The following ZNF202 variants were observed in gnomAD, a reference collection of about 807,000 sequenced individuals.
The protein encoded by ZNF202 is zinc finger protein with KRAB and SCAN domains 10.
ZNF202 carries 22 observed loss-of-function variants against 54.5 expected under a neutral mutation model. The ratio of observed to expected loss-of-function variants is 0.40; its 90% CI spans 0.29 to 0.58. The LOEUF is 0.58. Ranked by LOEUF, ZNF202 falls within the 20% of genes least tolerant of loss-of-function variation. The pLI is 0.39. For synonymous variants in ZNF202, 294 were observed against 301.4 expected (o/e 0.98, Z 0.26); for missense variants, 644 against 805.5 (o/e 0.80, Z 2.43).
chr11:123,735,990 TTGG>T (rs2137363166), intron 3 of ZNF202, among the ~76,000 whole-genome samples: 1 of 152,316 alleles, frequency 6.6e-6, no homozygotes, highest in Non-Finnish European at 1.5e-5. Context: ...AGTAAGAGAC[TTGG>T]TTCCAGAAGA....
In ZNF202 at chr11:123,736,760, A is replaced by C. The variant is rs189515272; in HGVS notation, c.-98+3357T>G. On this transcript the variant is annotated intron_variant, in intron 3 of 8. Transcript: ENST00000530393. ...TTGTAACACAATTTCCCTAAGCCTCAGTCTTATCCTCAAAAATGTGGCTAA... is the reference window on the plus strand; with the variant it reads ...TTGTAACACAATTTCCCTAAGCCTCCGTCTTATCCTCAAAAATGTGGCTAA... 3.7e-3 allele frequency among the ~76,000 whole-genome samples: 565 copies of C among 152,282 alleles called. 2 individuals are homozygous for C. The highest frequency in any genetic ancestry group is 0.014 in the Middle Eastern group (4 of 294).
rs1032531266 is a variant in ZNF202 at position 123,726,271 on chromosome 11, G to A, written c.1673C>T (p.Thr558Met). ...EHRRYLAHRKTHAAEELYLCS... is the reference protein window; with the variant it reads ...EHRRYLAHRKMHAAEELYLCS... ...GAGGTAGAGTTCCTCAGCAGCGTGC[G>A]TCTTCCGGTGCGCCAGGTACCGCCT... Residue 558 changes from threonine to methionine, a missense_variant, in exon 9 of 9, where the codon ACG (threonine) becomes ATG (methionine). Around this residue, in one of 3 missense-constraint regions of ZNF202, gnomAD observed 536 missense variants for 635.3 expected, o/e 0.84. Coordinates refer to ENST00000530393, the MANE Select transcript of ZNF202 (RefSeq NM_003455.4). This position sits in a 1 kb window ranked among gnomAD's most constrained non-coding sequence, Gnocchi z 6.0. 25 of 1,614,106 alleles carry A rather than the reference G, an allele frequency of 1.5e-5. No homozygotes were observed. The highest frequency in any genetic ancestry group is 5.3e-5 in the African/African-American group (4 of 74,934).
rs756774887 is a variant in ZNF202, at chr11:123,729,625, C to T, written c.603G>A (p.Leu201=). Residue 201 remains leucine, a synonymous_variant, in exon 5 of 9, where the codon CTG becomes CTA. Transcript: ENST00000530393. The part of the protein sequence containing the change: ...RPHQEEELQT[L]QESEVPVPED... ...GCTGATGCTTCCCACCGCTCTCCTG[C>T]AGGGTCTGGAGCTCCTCTTCCTGGT... is the stretch of plus-strand genomic sequence containing the variant. The T allele has an allele frequency of 1.3e-6, 2 of 1,587,866 alleles. No individual in the cohort carries two copies. Among genetic ancestry groups the T allele is most frequent in the African/African-American group, 2.7e-5 (2 of 74,318 alleles).
intron 3 of ZNF202, among the ~76,000 whole-genome samples, chr11:123,732,500 GTTAAACT>G (rs1861453460): frequency 6.6e-6 from 1 of 152,100 alleles, no homozygotes. Context: ...CCTTGGTTAG[GTTAAACT>G]TTAAATTTTT....
chr11:123,739,648 G>C (rs550641305), intron 3 of ZNF202: 1 of 152,124 alleles, frequency 6.6e-6, no homozygotes, highest in Non-Finnish European at 1.5e-5. Flanking sequence ...TTAATTTTGC[G>C]AACAAAATAT....
intron 6 of ZNF202, among the ~76,000 whole-genome samples, chr11:123,728,547 G>T (rs1305716744): frequency 6.6e-6 from 1 of 152,114 alleles, no homozygotes; most frequent in Non-Finnish European, 1.5e-5. Flanking sequence ...CTCCCTACTT[G>T]ACACTTTAAC....
At position 123,730,080 on chromosome 11, in the gene ZNF202, T is replaced by A. The variant is rs1861340611; in HGVS notation, c.403-255A>T. Among the ~76,000 whole-genome samples the A allele has an allele frequency of 6.6e-6, 1 of 152,036 alleles. No individual in the cohort carries two copies. The highest frequency in any genetic ancestry group is 2.1e-4 in the South Asian group (1 of 4,808). ...TGGGCCCCTGTCACCCAAGGTTCCT[T>A]CCCATCTCCACCTGTCCCACCTGCA... On this transcript the variant is annotated intron_variant, in intron 4 of 8. Coordinates refer to ENST00000530393, the MANE Select transcript of ZNF202 (RefSeq NM_003455.4). The surrounding 1 kb of genome is among the most constrained non-coding windows in gnomAD (Gnocchi z 6.0).
rs1861286779 is a variant in ZNF202 at position 123,729,123 on chromosome 11, C to T, written c.702+3G>A. ...CTGTGGTACAGAGGTAACTAGGGCA[C>T]ACCTGTGACAGAGCAGTAAGAAGAG... On this transcript the variant is annotated splice_donor_region_variant and intron_variant, in intron 6 of 8. Transcript: ENST00000530393. 2 of 1,613,752 alleles carry T rather than the reference C, an allele frequency of 1.2e-6. No homozygotes were observed. The highest frequency in any genetic ancestry group is 1.7e-6 in the Non-Finnish European group (2 of 1,179,922).
chr11:123,725,904 A>G lies in ZNF202; in HGVS notation c.*93T>C, dbSNP rs1275665680. 4 of 1,451,468 alleles carry G rather than the reference A, an allele frequency of 2.8e-6. No homozygotes were observed. The highest frequency in any genetic ancestry group is 2.8e-6 in the Non-Finnish European group (3 of 1,089,448). 89.9% of individuals were successfully genotyped at this position (1,451,468 alleles called of 1,614,324 possible). Reference sequence around the variant, plus strand: ...TGAGCAGGTCAGGGAGACTCCCTCGAAAAGGTCTTCCCAGGCTGACAAGAG... The same window carrying G: ...TGAGCAGGTCAGGGAGACTCCCTCGGAAAGGTCTTCCCAGGCTGACAAGAG... On this transcript the variant is annotated 3_prime_UTR_variant, in exon 9 of 9. Coordinates refer to ENST00000530393, the MANE Select transcript of ZNF202 (RefSeq NM_003455.4).
chr11:123,731,166 G>T (rs1180283958), intron 3 of ZNF202, among the ~76,000 whole-genome samples, 181 bp from the exon 4 acceptor site: 1 of 152,122 alleles, frequency 6.6e-6, no homozygotes. Context: ...ACAACTAAAG[G>T]TATGGTCCTC....
At chr11:123,729,574 G>A in intron 5 of ZNF202, 41 bp downstream of exon 5, 1 of 1,487,696 alleles carries the variant, frequency 6.7e-7, no homozygotes. Context: ...CTCCTTGCCT[G>A]CCTTCTGCCA....
Position 123,730,711 on chromosome 11 carries a change from G to A in ZNF202, c.178C>T (p.Pro60Ser). 6.2e-7 allele frequency: 1 copy of A among 1,614,214 alleles called. No homozygotes were observed. The highest frequency in any genetic ancestry group is 8.5e-7 in the Non-Finnish European group (1 of 1,180,040). ...CGGAGTCTGATGAGAGCTTCTCTAGGGCTTGCTGCCTCCTGGTAGCGGAAG... is the reference window on the plus strand; with the variant it reads ...CGGAGTCTGATGAGAGCTTCTCTAGAGCTTGCTGCCTCCTGGTAGCGGAAG... ...RRFRYQEAAS[P>S]REALIRLREL... The change falls in exon 4 of 9, where the codon CCT (proline) becomes TCT (serine). Residue 60 changes from proline to serine, a missense_variant. Transcript: ENST00000530393. The surrounding 1 kb of genome is among the most constrained non-coding windows in gnomAD (Gnocchi z 6.0).
At position 123,727,613 on chromosome 11, in the gene ZNF202, A is replaced by G. The variant is rs1427074862; in HGVS notation, c.833-18T>C. The G allele has an allele frequency of 1.2e-6, 2 of 1,613,680 alleles. No individual in the cohort carries two copies. Among genetic ancestry groups the G allele is most frequent in the African/African-American group, 2.7e-5 (2 of 74,896 alleles). The stretch of plus-strand genomic sequence containing the variant: ...TGGAAATGCTGCTCAAGAGAGGGAA[A>G]ATAGGATATCACGATTGGCTCAACA... On this transcript the variant is annotated intron_variant, in intron 7 of 8. Transcript: ENST00000530393.
rs930333064 is a variant in ZNF202, at chr11:123,730,046, C to G, written c.403-221G>C. ...GCAGGCCTGCACTGCTCTCTCACCA[C>G]CCCCAGCCTGGGCCCCTGTCACCCA... On this transcript the variant is annotated intron_variant, in intron 4 of 8. Coordinates refer to ENST00000530393, the MANE Select transcript of ZNF202 (RefSeq NM_003455.4). The surrounding 1 kb of genome is among the most constrained non-coding windows in gnomAD (Gnocchi z 6.0). Among the ~76,000 whole-genome samples, 3 of 152,234 alleles carry G rather than the reference C, an allele frequency of 2.0e-5. No homozygotes were observed. The highest frequency in any genetic ancestry group is 1.9e-4 in the East Asian group (1 of 5,156).
intron 6 of ZNF202, among the ~76,000 whole-genome samples, chr11:123,728,520 T>TA (rs1261940426): frequency 1.3e-5 from 2 of 152,206 alleles, no homozygotes; most frequent in African/African-American, 4.8e-5. Flanking sequence ...GGAAAGGTCT[T>TA]AAAAATCATC....
Position 123,740,202 on chromosome 11 carries a change from A to G in ZNF202, c.-173-10T>C, listed in dbSNP as rs1227132412. 2 of 152,226 alleles carry G rather than the reference A, an allele frequency of 1.3e-5. No individual in the cohort carries two copies. The highest frequency in any genetic ancestry group is 2.9e-5 in the Non-Finnish European group (2 of 68,044). 9.4% of individuals were successfully genotyped at this position (152,226 alleles called of 1,614,324 possible). A position where few individuals can be genotyped will look rare whatever the true frequency, so the allele number is the denominator to read the frequency against. ...TTGGAATGATTGTCTACTGCAATAT[A>G]GTATATACACAGAGTACAAAAAGGG... On this transcript the variant is annotated splice_polypyrimidine_tract_variant and intron_variant, in intron 2 of 8. Coordinates refer to ENST00000530393, the MANE Select transcript of ZNF202 (RefSeq NM_003455.4).
At chr11:123,735,584 C>G (rs1861599892) in intron 3 of ZNF202, among the ~76,000 whole-genome samples, 1 of 152,144 alleles carries the variant, frequency 6.6e-6, no homozygotes, top group Non-Finnish European at 1.5e-5. Flanking sequence ...CAGCACCAAA[C>G]TGGGTATCCA....
Position 123,729,749 on chromosome 11 carries a change from T to C in ZNF202, c.479A>G (p.Asn160Ser), listed in dbSNP as rs889000042. The C allele has an allele frequency of 3.1e-6, 5 of 1,613,894 alleles. No individual in the cohort carries two copies. Among genetic ancestry groups the C allele is most frequent in the Non-Finnish European group, 3.4e-6 (4 of 1,179,978 alleles). Residue 160 changes from asparagine to serine, a missense_variant, in exon 5 of 9, where the codon AAT becomes AGT. Asn to Ser is a conservative substitution (Grantham distance 46, BLOSUM62 1). Around this residue, in one of 3 missense-constraint regions of ZNF202, gnomAD observed 536 missense variants for 635.3 expected, o/e 0.84. Coordinates refer to ENST00000530393, the MANE Select transcript of ZNF202 (RefSeq NM_003455.4). ...VHLGVEPESP[N>S]ELQDPVQSST... ...GCTTTGCACAGGATCCTGCAGCTCA[T>C]TAGGTGACTCAGGCTCCACTCCTAA...
chr11:123,736,747 T>G (rs528922256), intron 3 of ZNF202, among the ~76,000 whole-genome samples: 1 of 152,180 alleles, frequency 6.6e-6, no homozygotes, highest in Non-Finnish European at 1.5e-5. Context: ...GTAACACAAT[T>G]TCCCTAAGCC....
Sources: allele counts gnomAD v4.1 joint callset (sites outside exome capture counted in the v4.1 genomes callset), GRCh38; gene constraint gnomAD v4.1.1; regional missense constraint gnomAD v4.1.1; non-coding constraint Gnocchi (gnomAD v3.1); transcripts MANE v1.5; gene names NCBI Gene and HGNC (gene_info 2026-07-23, HGNC 2026-07-21).